The following SMYD3 variants were observed in gnomAD, a reference collection of about 807,000 sequenced individuals.
The protein encoded by SMYD3 is histone-lysine N-methyltransferase SMYD3.
A neutral mutation model predicts 57.7 loss-of-function variants in SMYD3; 36 were observed. The ratio of observed to expected loss-of-function variants is 0.62; its 90% CI spans 0.48 to 0.82. SMYD3 has a LOEUF of 0.82. Ranked by LOEUF, SMYD3 falls within the 40% of genes least tolerant of loss-of-function variation. The probability of loss-of-function intolerance (pLI) is 0.00; values close to 1 mark genes in which losing one functional copy is unlikely to be tolerated. For missense variants in SMYD3, 515 were observed against 538.8 expected, an observed-to-expected ratio of 0.96 and a Z score of 0.44; for synonymous variants, 211 against 195.0, an observed-to-expected ratio of 1.08 and a Z score of -0.68.
chr1:245,930,756 C>CA (rs2147851100), intron 5 of SMYD3: 1 of 152,248 alleles, frequency 6.6e-6, no homozygotes, highest in South Asian at 2.1e-4. Flanking sequence ...CCGTGGAGCT[C>CA]AAGTTCTAGT....
intron 10 of SMYD3, among the ~76,000 whole-genome samples, chr1:245,845,344 A>G (rs1462117116): frequency 2.0e-5 from 3 of 152,226 alleles, no homozygotes; most frequent in African/African-American, 7.2e-5. Flanking sequence ...GCCAGGAGAC[A>G]CTATCAAATG....
intron 8 of SMYD3, among the ~76,000 whole-genome samples, chr1:245,869,230 T>A (rs1023415803): frequency 2.0e-5 from 3 of 152,222 alleles, no homozygotes; most frequent in Admixed American, 2.0e-4. Context: ...ATTGCTGGAT[T>A]TTCTACAAAT....
intron 10 of SMYD3, among the ~76,000 whole-genome samples, chr1:245,826,749 G>C (rs1414984019): frequency 6.6e-6 from 1 of 152,168 alleles, no homozygotes; most frequent in African/African-American, 2.4e-5. Context: ...TCACGGCAAA[G>C]GTGAAGGCGA....
chr1:245,930,980 C>T (rs1482731839), intron 5 of SMYD3, among the ~76,000 whole-genome samples: 1 of 152,150 alleles, frequency 6.6e-6, no homozygotes, highest in African/African-American at 2.4e-5. Context: ...AGAGCAAGTG[C>T]GAAGGCCCTA....
At chr1:246,435,767 GAAT>G (rs1320162453) in intron 1 of SMYD3, among the ~76,000 whole-genome samples, 1 of 151,992 alleles carries the variant, frequency 6.6e-6, no homozygotes, top group Non-Finnish European at 1.5e-5. Context: ...AGAATTCCAA[GAAT>G]TCCAAGGAGA....
At chr1:245,940,707 A>C (rs1416345865) in intron 5 of SMYD3, among the ~76,000 whole-genome samples, 2 of 152,218 alleles carry the variant, frequency 1.3e-5, no homozygotes, top group African/African-American at 4.8e-5. Flanking sequence ...CAAAGATGAG[A>C]AAGAATCAAT....
intron 5 of SMYD3, among the ~76,000 whole-genome samples, chr1:246,234,151 CCACA>C (rs2063474336): frequency 7.3e-6 from 1 of 137,194 alleles, no homozygotes; most frequent in African/African-American, 2.7e-5. Context: ...TGAATATATA[CCACA>C]CAGAGGAGAA....
In SMYD3 at chr1:245,990,262, TA is replaced by T. The variant is rs2058788438; in HGVS notation, c.532-60326del. 1.3e-5 allele frequency among the ~76,000 whole-genome samples: 2 copies of T among 152,108 alleles called. 1 individual carries two copies. The highest frequency in any genetic ancestry group is 4.1e-4 in the South Asian group (2 of 4,832). ...GCACCACCACACCTGGACAATTTTT[TA>T]TTTTTTGTAAAGACAGGGTCTCACT... On this transcript the variant is annotated intron_variant, in intron 5 of 11. Coordinates refer to ENST00000490107, the MANE Select transcript of SMYD3 (RefSeq NM_001167740.2).
intron 5 of SMYD3, chr1:246,186,624 A>T (rs1268110056): frequency 2.4e-6 from 1 of 409,322 alleles, no homozygotes. Flanking sequence ...TCAGAAAAAG[A>T]CCCAAGTTCA....
intron 5 of SMYD3, among the ~76,000 whole-genome samples, chr1:246,254,677 T>G (rs942377960): frequency 6.6e-6 from 1 of 152,206 alleles, no homozygotes; most frequent in African/African-American, 2.4e-5. Context: ...AAAATGACAC[T>G]GGTAGTTTCA....
At chr1:245,911,417 A>G (rs1420480014) in intron 8 of SMYD3, among the ~76,000 whole-genome samples, 1 of 151,994 alleles carries the variant, frequency 6.6e-6, no homozygotes, top group African/African-American at 2.4e-5. Flanking sequence ...CTGCACTCCC[A>G]TGTTTATTGC....
chr1:246,406,902 ATAGTT>A (rs1276976892), intron 1 of SMYD3, among the ~76,000 whole-genome samples: 5 of 152,242 alleles, frequency 3.3e-5, no homozygotes, highest in African/African-American at 1.2e-4. Flanking sequence ...TAATATTATT[ATAGTT>A]TATTTAATTA....
chr1:245,824,327 A>G (rs748807340), intron 10 of SMYD3, among the ~76,000 whole-genome samples: 2 of 152,276 alleles, frequency 1.3e-5, no homozygotes, highest in African/African-American at 4.8e-5. Flanking sequence ...ACTAAAGGTT[A>G]GCTGTATACA....
chr1:245,964,788 A>G (rs1418343175), intron 5 of SMYD3, among the ~76,000 whole-genome samples: 5 of 149,286 alleles, frequency 3.3e-5, no homozygotes, highest in Non-Finnish European at 7.4e-5. Context: ...CAAAGAGAAC[A>G]AAGATTGTAA....
intron 5 of SMYD3, among the ~76,000 whole-genome samples, chr1:245,949,345 C>T (rs1200379050): frequency 1.3e-5 from 2 of 152,164 alleles, no homozygotes; most frequent in African/African-American, 4.8e-5. Context: ...ACTGGTGCGC[C>T]CGGGGTCCCT....
intron 5 of SMYD3, among the ~76,000 whole-genome samples, chr1:246,123,382 A>C (rs2061452877): frequency 6.6e-6 from 1 of 152,032 alleles, no homozygotes; most frequent in East Asian, 1.9e-4. Context: ...CCTGACCAAC[A>C]ATGGTGAAAC....
At chr1:245,807,813 G>GGAAAAAAAAAAAA (rs1553328805) in intron 10 of SMYD3, among the ~76,000 whole-genome samples, 1 of 111,704 alleles carries the variant, frequency 9.0e-6, no homozygotes, top group African/African-American at 3.3e-5. Flanking sequence ...ATTTCCCAGG[G>GGAAAAAAAAAAAA]AAAAAAAAAA....
chr1:246,333,812 A>G (rs1463710017), intron 3 of SMYD3, among the ~76,000 whole-genome samples: 6 of 152,082 alleles, frequency 3.9e-5, no homozygotes, highest in Non-Finnish European at 7.4e-5. Context: ...CTTGAGCCCC[A>G]GAGGTTGAGG....
chr1:245,753,040 T>A (rs920028018), intron 11 of SMYD3, among the ~76,000 whole-genome samples: 1 of 152,170 alleles, frequency 6.6e-6, no homozygotes, highest in Non-Finnish European at 1.5e-5. Context: ...GGGACACAGG[T>A]GCCTTCCTTG....
Sources: gnomAD v4.1 joint callset for allele counts (sites outside exome capture counted in the v4.1 genomes callset) on GRCh38, gnomAD v4.1.1 for gene constraint, MANE v1.5 for transcripts, NCBI Gene and HGNC (gene_info 2026-07-23, HGNC 2026-07-21) for gene names.